The following UBR2 variants were observed in gnomAD, a reference collection of about 807,000 sequenced individuals.
UBR2 encodes ubiquitin protein ligase E3 component n-recognin 2.
A neutral mutation model predicts 247.9 loss-of-function variants in UBR2; 92 were observed. The observed-to-expected ratio is 0.37, with a 90% CI of 0.31 to 0.44. The LOEUF is 0.44. Among genes scored for constraint, UBR2 ranks in the 20% least tolerant of loss-of-function variants. UBR2 has a pLI of 1.00. For synonymous variants in UBR2, 672 were observed against 693.5 expected, an observed-to-expected ratio of 0.97 and a Z score of 0.49; for missense variants, 1,613 against 2,112.6, an observed-to-expected ratio of 0.76 and a Z score of 4.64.
chr6:42,666,767 T>A (rs1420348464), intron 34 of UBR2, among the ~76,000 whole-genome samples: 1 of 152,286 alleles, frequency 6.6e-6, no homozygotes, highest in East Asian at 1.9e-4. Context: ...TAACCCAGGA[T>A]TAAAACCAGA....
rs138732118 is a variant in UBR2, at chr6:42,659,707, G to A, written c.3294G>A (p.Gln1098=). ...TLTALGPAQT[Q]VPEQRQFVTC... is the part of the protein sequence containing the mutation. ...CAGCACTGGGCCCCGCACAAACTCA[G>A]GTTCCTGAACAAAGACAATTCGTTA... The change falls in exon 30 of 47, where the codon CAG becomes CAA. Residue 1098 remains glutamine, a synonymous_variant. Coordinates refer to ENST00000372901, the MANE Select transcript of UBR2 (RefSeq NM_001363705.2). The surrounding 1 kb of genome is among the most constrained non-coding windows in gnomAD (Gnocchi z 4.3). The A allele has an allele frequency of 4.4e-5, 71 of 1,613,872 alleles. No individual in the cohort carries two copies. In the African/African-American group the frequency reaches 7.5e-4, roughly 17 times the overall value.
rs554410040 is a variant in UBR2 at position 42,686,824 on chromosome 6, G to C, written c.4854-1392G>C. ...TTCCCAGACGGGGCGGCTGCCGGGC[G>C]GAGGGGCTCCTCACTTCTCAGACGG... On this transcript the variant is annotated intron_variant, in intron 44 of 46. Transcript: ENST00000372901. Among the ~76,000 whole-genome samples the C allele has an allele frequency of 1.7e-3, 255 of 149,982 alleles. 1 individual carries two copies. The highest frequency in any genetic ancestry group is 5.6e-3 in the Admixed American group (85 of 15,114).
At chr6:42,582,990 A>G (rs1203439786) in intron 2 of UBR2, among the ~76,000 whole-genome samples, 1 of 151,854 alleles carries the variant, frequency 6.6e-6, no homozygotes, top group Non-Finnish European at 1.5e-5. Flanking sequence ...TCTTTTGTCC[A>G]TTTTTGGGTT....
intron 38 of UBR2, among the ~76,000 whole-genome samples, chr6:42,675,291 T>A (rs1181203906): frequency 1.3e-5 from 2 of 152,184 alleles, no homozygotes; most frequent in East Asian, 3.8e-4. Flanking sequence ...CACTTACATC[T>A]CTACAATTTA....
intron 10 of UBR2, among the ~76,000 whole-genome samples, chr6:42,616,485 T>C (rs943794909): frequency 1.3e-5 from 2 of 151,982 alleles, no homozygotes; most frequent in Non-Finnish European, 2.9e-5. Context: ...GCAGTCTTAG[T>C]CTTTAAAAAA....
At chr6:42,575,300 T>C (rs775763678) in intron 2 of UBR2, among the ~76,000 whole-genome samples, 14 of 152,186 alleles carry the variant, frequency 9.2e-5, no homozygotes, top group Non-Finnish European at 1.8e-4. Flanking sequence ...TATTAGCTTA[T>C]TTAGAATATC....
chr6:42,594,085 A>G, intron 3 of UBR2, 106 bp from the exon 4 acceptor site: 1 of 766,800 alleles, frequency 1.3e-6, no homozygotes, highest in Non-Finnish European at 2.0e-6. Context: ...CAAAGAAATT[A>G]AACACTTAAG....
At chr6:42,591,232 A>G (rs1279350507) in intron 2 of UBR2, among the ~76,000 whole-genome samples, 2 of 152,212 alleles carry the variant, frequency 1.3e-5, no homozygotes, top group African/African-American at 4.8e-5. Flanking sequence ...AGCCTGGCTC[A>G]ATAAAAAGAA....
At position 42,691,708 on chromosome 6, in the gene UBR2, C is replaced by G. The variant is rs912295040; in HGVS notation, c.*535C>G. On this transcript the variant is annotated 3_prime_UTR_variant, in exon 47 of 47. Coordinates refer to ENST00000372901, the MANE Select transcript of UBR2 (RefSeq NM_001363705.2). ...CATTGACTATGAGAGAGTTGGGGGA[C>G]ACACATGCAGAAGAAGCCCGTGGGG... 1 of 152,418 alleles carries G rather than the reference C, an allele frequency of 6.6e-6. No individual in the cohort carries two copies. Among genetic ancestry groups the G allele is most frequent in the Non-Finnish European group, 1.5e-5 (1 of 68,592 alleles). The allele number at this position is 152,418 out of a possible 1,614,324, so 9.4% of individuals were successfully genotyped here.
chr6:42,573,215 T>C (rs1490076771), intron 1 of UBR2, among the ~76,000 whole-genome samples: 1 of 152,188 alleles, frequency 6.6e-6, no homozygotes, highest in Non-Finnish European at 1.5e-5. Flanking sequence ...CAGTCTCTTG[T>C]GGACTGACTT....
At chr6:42,631,891 A>ATATATATATATATATATATATATAT (rs752152787) in intron 11 of UBR2, among the ~76,000 whole-genome samples, 13 of 114,076 alleles carry the variant, frequency 1.1e-4, no homozygotes, top group African/African-American at 2.1e-4. Context: ...TATATATATA[A>ATATATATATATATATATATATATAT]ATACAGGTTC....
chr6:42,660,630 A>G (rs1797740928), intron 30 of UBR2, among the ~76,000 whole-genome samples: 1 of 152,092 alleles, frequency 6.6e-6, no homozygotes, highest in Non-Finnish European at 1.5e-5. Context: ...AAGTCTTTGC[A>G]TCCTACTTAT....
intron 34 of UBR2, among the ~76,000 whole-genome samples, chr6:42,666,949 A>G (rs1207097562): frequency 6.6e-6 from 1 of 152,178 alleles, no homozygotes; most frequent in African/African-American, 2.4e-5. Context: ...AAGTGAGGAT[A>G]ATTCATAGGT....
At chr6:42,586,440 T>A (rs1792266502) in intron 2 of UBR2, among the ~76,000 whole-genome samples, 1 of 152,086 alleles carries the variant, frequency 6.6e-6, no homozygotes, top group Non-Finnish European at 1.5e-5. Context: ...AGAAGGTATA[T>A]TTTGCAGTTG....
chr6:42,631,046 C>A (rs1040749464), intron 11 of UBR2, among the ~76,000 whole-genome samples: 2 of 152,250 alleles, frequency 1.3e-5, no homozygotes, highest in African/African-American at 4.8e-5. Flanking sequence ...TCAAATAATC[C>A]GCCTGCCTCA....
Position 42,659,815 on chromosome 6 carries a change from T to A in UBR2, c.3402T>A (p.Thr1134=). The stretch of plus-strand genomic sequence containing the variant: ...TGGCAGCATTTGTTCAGAGATCAAC[T>A]GTATTATCAAAAAACAGAAGTAAAT... ...MVLAAFVQRS[T]VLSKNRSKFI... The change falls in exon 30 of 47, where the codon ACT becomes ACA. Residue 1134 remains threonine (T), a synonymous_variant. Coordinates refer to ENST00000372901, the MANE Select transcript of UBR2 (RefSeq NM_001363705.2). The surrounding 1 kb of genome is among the most constrained non-coding windows in gnomAD (Gnocchi z 4.3). 1 of 1,614,186 alleles carries A rather than the reference T, an allele frequency of 6.2e-7. No individual in the cohort carries two copies. The highest frequency in any genetic ancestry group is 1.1e-5 in the South Asian group (1 of 91,084).
rs532968362 is a variant in UBR2 at position 42,641,322 on chromosome 6, A to G, written c.1921-260A>G. Among the ~76,000 whole-genome samples, 89 of 152,016 alleles carry G rather than the reference A, an allele frequency of 5.9e-4. No individual in the cohort carries two copies. In the South Asian group the frequency reaches 0.017, roughly 29 times the overall value. On this transcript the variant is annotated intron_variant, in intron 16 of 46. Coordinates refer to ENST00000372901, the MANE Select transcript of UBR2 (RefSeq NM_001363705.2). ...CTACTAAAAATACAAAAATTGGCCA[A>G]GCGTGTTGGCTTATGCCTGTACTCC...
chr6:42,583,992 ATTTT>A (rs199507142), intron 2 of UBR2, among the ~76,000 whole-genome samples: 74,157 of 120,476 alleles, frequency 0.62, 21,276 homozygotes, highest in African/African-American at 0.71. Flanking sequence ...TCCCCATTGA[ATTTT>A]TTTTTTTTTT....
intron 32 of UBR2, among the ~76,000 whole-genome samples, chr6:42,663,804 C>T (rs1354178805): frequency 6.6e-6 from 1 of 152,114 alleles, no homozygotes; most frequent in African/African-American, 2.4e-5. Context: ...TTTTGCTGTA[C>T]TGGCCATTCA....
Sources: allele counts gnomAD v4.1 joint callset (sites outside exome capture counted in the v4.1 genomes callset), GRCh38; gene constraint gnomAD v4.1.1; non-coding constraint Gnocchi (gnomAD v3.1); transcripts MANE v1.5; gene names NCBI Gene and HGNC (gene_info 2026-07-23, HGNC 2026-07-21).